The following NUP160 variants were observed in gnomAD, a reference collection of about 807,000 sequenced individuals.
NUP160 encodes the protein nuclear pore complex protein Nup160.
NUP160 carries 94 observed loss-of-function variants against 196.9 expected under a neutral mutation model. The observed-to-expected ratio is 0.48, with a 90% CI of 0.40 to 0.57. The LOEUF is 0.57. Among genes scored for constraint, NUP160 ranks in the 20% least tolerant of loss-of-function variants. The pLI, the probability that NUP160 is intolerant of heterozygous loss-of-function variation, is 0.00. For missense variants in NUP160, 1,638 were observed against 1,748.3 expected, an observed-to-expected ratio of 0.94 and a Z score of 1.13; for synonymous variants, 605 against 619.7, an observed-to-expected ratio of 0.98 and a Z score of 0.35.
chr11:47,796,272 C>A, intron 27 of NUP160: 1 of 679,826 alleles, frequency 1.5e-6, no homozygotes. Context: ...AATCAGAAAG[C>A]TGTGGACTCA....
intron 27 of NUP160, among the ~76,000 whole-genome samples, chr11:47,793,722 GTTTTTTTTTTTTTTTTTTTTTTTT>G (rs750497969): frequency 3.4e-5 from 3 of 87,644 alleles, no homozygotes; most frequent in Admixed American, 2.3e-4. Flanking sequence ...TAAGATATCT[GTTTTTTTTTTTTTTTTTTTTTTTT>G]TTTTTTTTTT....
At chr11:47,833,282 CA>C (rs560991348) in intron 7 of NUP160, among the ~76,000 whole-genome samples, 5 of 151,632 alleles carry the variant, frequency 3.3e-5, no homozygotes, top group Non-Finnish European at 5.9e-5. Flanking sequence ...GGTGAAACCC[CA>C]TCTCTATTAA....
Position 47,805,141 on chromosome 11 carries a change from T to G in NUP160, c.2607-523A>C, listed in dbSNP as rs1320383141. Among the ~76,000 whole-genome samples, 2 of 152,044 alleles carry G rather than the reference T, an allele frequency of 1.3e-5. 1 individual carries two copies. Among genetic ancestry groups the G allele is most frequent in the Non-Finnish European group, 2.9e-5 (2 of 68,014 alleles). On this transcript the variant is annotated intron_variant, in intron 20 of 35. Transcript: ENST00000378460. The stretch of plus-strand genomic sequence containing the variant: ...ATATTTGTTGAATGAATGTCTTTTT[T>G]TTTTTTGAGACAGAGTCTCACTCTG...
chr11:47,806,790 TACAC>T (rs57141346), intron 19 of NUP160, among the ~76,000 whole-genome samples: 7,036 of 111,050 alleles, frequency 0.063, 306 homozygotes, highest in South Asian at 0.069. Flanking sequence ...AAAGCAGCTA[TACAC>T]ACACACACAC....
intron 31 of NUP160, among the ~76,000 whole-genome samples, chr11:47,787,697 G>A (rs916637421): frequency 6.6e-6 from 1 of 151,000 alleles, no homozygotes; most frequent in Non-Finnish European, 1.5e-5. Flanking sequence ...ACAGATGTGA[G>A]CCACTGTGCC....
exon 34 of NUP160, chr11:47,783,105 A>G (rs754236763): frequency 5.0e-6 from 8 of 1,614,046 alleles, no homozygotes; most frequent in South Asian, 1.1e-5. Context: ...CCTTTTCCCA[A>G]TACAGCATCC....
intron 34 of NUP160, among the ~76,000 whole-genome samples, chr11:47,781,282 A>C (rs930199600): frequency 1.3e-5 from 2 of 150,916 alleles, no homozygotes; most frequent in Non-Finnish European, 3.0e-5. Flanking sequence ...TTTTTTTTTC[A>C]GACAGGGTCT....
chr11:47,818,201 G>C, intron 10 of NUP160, 77 bp from the exon 11 acceptor site: 1 of 897,334 alleles, frequency 1.1e-6, no homozygotes, highest in Non-Finnish European at 1.9e-6. Flanking sequence ...CAAAGTTTGA[G>C]TTTCTACTAT....
intron 34 of NUP160, among the ~76,000 whole-genome samples, chr11:47,781,512 C>G (rs935196920): frequency 6.6e-6 from 1 of 152,086 alleles, no homozygotes; most frequent in African/African-American, 2.4e-5. Flanking sequence ...GATCCTCACA[C>G]CTTGACCTCC....
At chr11:47,834,624 G>A (rs1276260264) in intron 7 of NUP160, among the ~76,000 whole-genome samples, 1 of 152,122 alleles carries the variant, frequency 6.6e-6, no homozygotes, top group African/African-American at 2.4e-5. Flanking sequence ...CGGGGACCTG[G>A]GGGGTTGGGG....
At position 47,827,505 on chromosome 11, in the gene NUP160, T is replaced by C. The variant is rs374024729; in HGVS notation, c.1102-5341A>G. ...AAATTAGGAATGAGGCAAAGATGCATAGCATGGCCAACATGGTGAAACCTC... is the reference window on the plus strand; with the variant it reads ...AAATTAGGAATGAGGCAAAGATGCACAGCATGGCCAACATGGTGAAACCTC... On this transcript the variant is annotated intron_variant, in intron 7 of 35. Transcript: ENST00000378460. Among the ~76,000 whole-genome samples the C allele has an allele frequency of 5.3e-5, 8 of 152,040 alleles. No individual in the cohort carries two copies. In the South Asian group the frequency reaches 1.0e-3, roughly 20 times the overall value.
Position 47,815,935 on chromosome 11 carries a change from C to T in NUP160, c.1515+11G>A. On this transcript the variant is annotated intron_variant, in intron 12 of 35. Coordinates refer to ENST00000378460, the Ensembl canonical transcript of NUP160. The stretch of plus-strand genomic sequence containing the variant: ...GAAGGAATTCTTATTCTTTCTCTAC[C>T]CAAGCCTCACCTCATTTTCAACAGC... The T allele has an allele frequency of 1.2e-6, 2 of 1,601,568 alleles. No homozygotes were observed. Among genetic ancestry groups the T allele is most frequent in the Admixed American group, 1.7e-5 (1 of 59,852 alleles).
chr11:47,833,864 A>T (rs994649931), intron 7 of NUP160, among the ~76,000 whole-genome samples: 1 of 152,238 alleles, frequency 6.6e-6, no homozygotes, highest in Non-Finnish European at 1.5e-5. Flanking sequence ...AGAATTAAGC[A>T]TGTCCTGTGA....
rs1183578443 is a variant in NUP160, at chr11:47,788,308, G to C, written c.3623-3C>G. 1 of 1,613,234 alleles carries C rather than the reference G, an allele frequency of 6.2e-7. No homozygotes were observed. On this transcript the variant is annotated splice_polypyrimidine_tract_variant and splice_region_variant and intron_variant, in intron 30 of 35. Transcript: ENST00000378460. ...CATTTCCTCTGCTGATGAACTTCCTGTGAAAATGGAAAAAGATTATTTCGT... is the reference window on the plus strand; with the variant it reads ...CATTTCCTCTGCTGATGAACTTCCTCTGAAAATGGAAAAAGATTATTTCGT...
chr11:47,798,056 C>T, exon 26 of NUP160: 1 of 1,579,442 alleles, frequency 6.3e-7, no homozygotes, highest in Non-Finnish European at 8.6e-7. Flanking sequence ...CCACCAACTG[C>T]CGTAAACAAT....
At chr11:47,841,374 T>G in intron 2 of NUP160, 1 of 439,508 alleles carries the variant, frequency 2.3e-6, no homozygotes, top group Non-Finnish European at 4.4e-6. Flanking sequence ...CATTTTCTTA[T>G]GCAAACTGTG....
rs10529981 is a variant in NUP160, at chr11:47,782,303, AATATATATATAT to A, written c.4116+758_4116+769del. ...CAAAACTCAGTTAAAAAAAAAAAAA[AATATATATATAT>A]ATATATATATATATATATATATATA... On this transcript the variant is annotated intron_variant, in intron 34 of 35. Coordinates refer to ENST00000378460, the Ensembl canonical transcript of NUP160. Among the ~76,000 whole-genome samples, 136 of 40,440 alleles carry A rather than the reference AATATATATATAT, an allele frequency of 3.4e-3. 4 individuals carry two copies. Among genetic ancestry groups the A allele is most frequent in the South Asian group, 5.8e-3 (6 of 1,040 alleles). 26.5% of individuals were successfully genotyped at this position (40,440 alleles called of 152,430 possible).
chr11:47,839,905 A>C lies in NUP160; in HGVS notation c.686T>G (p.Phe229Cys), dbSNP rs908982822. ...TCCCCCAGAAGCACATGGTAAGGCA[A>C]ACAGGGCCTCCCCATCACTGCTGAG... Residue 229 changes from phenylalanine (F) to cysteine (C), a missense_variant, in exon 4 of 36, where the codon TTT (phenylalanine) becomes TGT (cysteine). Around this residue, in one of 3 missense-constraint regions of NUP160, gnomAD observed 1,345 missense variants for 1,470.2 expected, o/e 0.91. Transcript: ENST00000378460. The C allele has an allele frequency of 2.5e-6, 4 of 1,614,060 alleles. No homozygotes were observed. In the African/African-American group the frequency reaches 5.3e-5, roughly 22 times the overall value.
rs1852204005 is a variant in NUP160 at position 47,837,668 on chromosome 11, C to T, written c.749-45G>A. 7 of 1,450,914 alleles carry T rather than the reference C, an allele frequency of 4.8e-6. No homozygotes were observed. The Admixed American group carries it at 5.1e-5, about 10-fold the overall frequency. 89.9% of individuals were successfully genotyped at this position (1,450,914 alleles called of 1,614,324 possible). ...ACCTCTTGAACACACTTAGAGAAAC[C>T]CAAAGGCAAGAATGATGTAACCATG... On this transcript the variant is annotated intron_variant, in intron 4 of 35. Coordinates refer to ENST00000378460, the Ensembl canonical transcript of NUP160.
Sources: allele counts gnomAD v4.1 joint callset (sites outside exome capture counted in the v4.1 genomes callset), GRCh38; gene constraint gnomAD v4.1.1; regional missense constraint gnomAD v4.1.1; transcripts MANE v1.5; gene names NCBI Gene and HGNC (gene_info 2026-07-23, HGNC 2026-07-21).